The following TEAD1 variants were observed in gnomAD, a reference collection of about 807,000 sequenced individuals.
TEAD1 encodes the protein transcriptional enhancer factor TEF-1.
TEAD1 carries 9 observed loss-of-function variants against 54.9 expected under a neutral mutation model. The ratio of observed to expected loss-of-function variants is 0.16; its 90% CI spans 0.10 to 0.29. TEAD1 has a LOEUF of 0.29. Among genes scored for constraint, TEAD1 ranks in the 10% least tolerant of loss-of-function variants. TEAD1 has a pLI of 1.00. For synonymous variants in TEAD1, 200 were observed against 187.8 expected (o/e 1.07, Z -0.53); for missense variants, 387 against 535.9 (o/e 0.72, Z 2.74).
At chr11:12,905,307 CAG>C (rs1948499352) in intron 10 of TEAD1, among the ~76,000 whole-genome samples, 1 of 152,034 alleles carries the variant, frequency 6.6e-6, no homozygotes, top group African/African-American at 2.4e-5. Flanking sequence ...GTCTAGATTG[CAG>C]ATGTTTAGAG....
chr11:12,683,015 A>C (rs1943255962), intron 2 of TEAD1, among the ~76,000 whole-genome samples: 1 of 152,202 alleles, frequency 6.6e-6, no homozygotes, highest in South Asian at 2.1e-4. Context: ...GAGGAAAAAA[A>C]TCCCAGAGTC....
intron 2 of TEAD1, among the ~76,000 whole-genome samples, chr11:12,712,099 C>T (rs1943949991): frequency 6.6e-6 from 1 of 152,180 alleles, no homozygotes; most frequent in African/African-American, 2.4e-5. Context: ...TTCTCCATAA[C>T]AGTCCCCAAC....
intron 2 of TEAD1, among the ~76,000 whole-genome samples, chr11:12,740,144 C>G (rs1944622805): frequency 6.6e-6 from 1 of 152,180 alleles, no homozygotes; most frequent in African/African-American, 2.4e-5. Context: ...TGGAGTCAGA[C>G]TGTCTAGATT....
intron 3 of TEAD1, among the ~76,000 whole-genome samples, chr11:12,857,578 C>CTGTGTGTGTGTGTGTGTGTGTGTGTGTG (rs10694132): frequency 8.9e-5 from 13 of 145,848 alleles, no homozygotes; most frequent in African/African-American, 3.3e-4. Flanking sequence ...CTCTCTGTCT[C>CTGTGTGTGTGTGTGTGTGTGTGTGTGTG]TGTGTGTGTG....
intron 3 of TEAD1, among the ~76,000 whole-genome samples, chr11:12,783,314 A>G (rs768218771): frequency 2.7e-5 from 4 of 150,226 alleles, no homozygotes; most frequent in Non-Finnish European, 4.4e-5. Flanking sequence ...GAGCCTCCCT[A>G]CAGGAGATGG....
chr11:12,892,420 G>A (rs1948214984), intron 9 of TEAD1, among the ~76,000 whole-genome samples: 1 of 152,098 alleles, frequency 6.6e-6, no homozygotes, highest in Admixed American at 6.5e-5. Context: ...AAGGCGTGTG[G>A]GTCACCTGAG....
intron 3 of TEAD1, among the ~76,000 whole-genome samples, chr11:12,810,138 G>A (rs1470052492): frequency 1.3e-5 from 2 of 151,900 alleles, no homozygotes; most frequent in South Asian, 2.1e-4. Context: ...ACACCACCAC[G>A]CCTGGCTAAT....
chr11:12,817,468 T>C (rs1946439392), intron 3 of TEAD1, among the ~76,000 whole-genome samples: 1 of 152,198 alleles, frequency 6.6e-6, no homozygotes, highest in South Asian at 2.1e-4. Context: ...TTTTCCCTTT[T>C]TTGTGAACGG....
chr11:12,789,948 G>A (rs1945762627), intron 3 of TEAD1, among the ~76,000 whole-genome samples: 1 of 152,262 alleles, frequency 6.6e-6, no homozygotes, highest in Admixed American at 6.5e-5. Flanking sequence ...CTTCTGTCAG[G>A]CCAGGGCTGC....
chr11:12,940,032 G>C lies in TEAD1; in HGVS notation c.*2810G>C, dbSNP rs1564998684. On this transcript the variant is annotated 3_prime_UTR_variant, in exon 13 of 13. Transcript: ENST00000527636. ...TCCCCTCGAGACCCTCTGGTGCCAG[G>C]CTTGCTTCACGGCCATCTTGTGTTG... The C allele has an allele frequency of 6.6e-6, 1 of 152,252 alleles. No individual in the cohort carries two copies. 9.4% of individuals were successfully genotyped at this position (152,252 alleles called of 1,614,324 possible). A position where few individuals can be genotyped will look rare whatever the true frequency, so the allele number is the denominator to read the frequency against.
At chr11:12,881,777 T>A in intron 7 of TEAD1, 119 bp from the exon 8 acceptor site, 1 of 1,009,438 alleles carries the variant, frequency 9.9e-7, no homozygotes. Flanking sequence ...TGCTACCACC[T>A]GCAGGCAGGG....
At chr11:12,710,714 C>CTTCT (rs1943918620) in intron 2 of TEAD1, among the ~76,000 whole-genome samples, 2 of 152,142 alleles carry the variant, frequency 1.3e-5, no homozygotes, top group South Asian at 4.1e-4. Flanking sequence ...TCTCATGGAG[C>CTTCT]TTCTGTTCAG....
At chr11:12,929,285 C>G (rs1393282595) in intron 11 of TEAD1, among the ~76,000 whole-genome samples, 1 of 151,256 alleles carries the variant, frequency 6.6e-6, no homozygotes, top group African/African-American at 2.4e-5. Flanking sequence ...TCTTTTTTCT[C>G]CTTTTTACTT....
chr11:12,884,778 C>T (rs1948052098), intron 9 of TEAD1, among the ~76,000 whole-genome samples: 3 of 152,140 alleles, frequency 2.0e-5, no homozygotes, highest in Non-Finnish European at 4.4e-5. Context: ...TGGATGACTC[C>T]TTCCAAGCAG....
At chr11:12,706,949 A>G (rs1333192098) in intron 2 of TEAD1, among the ~76,000 whole-genome samples, 2 of 152,084 alleles carry the variant, frequency 1.3e-5, no homozygotes, top group Non-Finnish European at 2.9e-5. Flanking sequence ...GCCCAAGGGC[A>G]TCTCCTGACC....
intron 3 of TEAD1, among the ~76,000 whole-genome samples, chr11:12,804,613 T>C (rs150826574): frequency 1.1e-3 from 175 of 152,306 alleles, no homozygotes; most frequent in African/African-American, 4.0e-3. Context: ...ACAGTAAGTT[T>C]GTGATGTGGC....
intron 2 of TEAD1, among the ~76,000 whole-genome samples, chr11:12,762,564 G>A (rs1019062556): frequency 6.6e-6 from 1 of 152,098 alleles, no homozygotes; most frequent in East Asian, 1.9e-4. Flanking sequence ...TTGCTGACAA[G>A]TTCTTTGAAT....
intron 3 of TEAD1, chr11:12,851,092 CTTCA>C: frequency 6.1e-6 from 6 of 983,412 alleles, no homozygotes; most frequent in Non-Finnish European, 7.2e-6. Context: ...AGGTGAGCTC[CTTCA>C]TTCATTTATT....
intron 2 of TEAD1, among the ~76,000 whole-genome samples, chr11:12,702,052 C>T (rs1365203158): frequency 2.0e-5 from 3 of 152,304 alleles, no homozygotes; most frequent in East Asian, 3.9e-4. Context: ...GATCTGCTCA[C>T]AGACTGTGTA....
Sources: gnomAD v4.1 joint callset for allele counts (sites outside exome capture counted in the v4.1 genomes callset) on GRCh38, gnomAD v4.1.1 for gene constraint, MANE v1.5 for transcripts, NCBI Gene and HGNC (gene_info 2026-07-23, HGNC 2026-07-21) for gene names.